Variants in GRXCR2 observed in about 807,000 individuals in gnomAD.
GRXCR2 encodes the protein glutaredoxin domain-containing cysteine-rich protein 2.
A neutral mutation model predicts 24.8 loss-of-function variants in GRXCR2; 23 were observed. That is an observed-to-expected ratio of 0.93 (90% CI 0.67 to 1.32). GRXCR2 has a LOEUF of 1.32. Among genes scored for constraint, GRXCR2 ranks in the 40% most tolerant of loss-of-function variants. The pLI is 0.00. For missense variants in GRXCR2, 315 were observed against 303.4 expected (o/e 1.04, Z -0.28); for synonymous variants, 130 against 116.1 (o/e 1.12, Z -0.77).
At chr5:145,906,554 G>A (rs1757091880) in intron 2 of GRXCR2, among the ~76,000 whole-genome samples, 1 of 152,158 alleles carries the variant, frequency 6.6e-6, no homozygotes, top group Admixed American at 6.5e-5. Flanking sequence ...ACATTTCCCT[G>A]AATTTCCAAC....
chr5:145,902,429 A>G (rs1450229611), intron 2 of GRXCR2, among the ~76,000 whole-genome samples: 1 of 152,134 alleles, frequency 6.6e-6, no homozygotes, highest in East Asian at 1.9e-4. Context: ...AAACTAACAT[A>G]TAGATGACCT....
At chr5:145,892,131 G>C (rs953677447) in intron 2 of GRXCR2, among the ~76,000 whole-genome samples, 5 of 152,124 alleles carry the variant, frequency 3.3e-5, no homozygotes, top group Admixed American at 6.6e-5. Context: ...AACCCCATCT[G>C]TACGTCACCA....
In GRXCR2 at chr5:145,859,879, G is replaced by T. The variant is rs765655672; in HGVS notation, c.601C>A (p.Arg201=). ...GAGCAGGTGGCACTGCCCGACCCTC[G>T]GCAGTGAAAACAGCTGTCCTCGGGA... ...DIPEDSCFHC[R]GSGSATCSLC... The change falls in exon 3 of 3, where the codon CGA becomes AGA. Residue 201 remains arginine, a synonymous_variant. Transcript: ENST00000377976. 1 of 1,602,036 alleles carries T rather than the reference G, an allele frequency of 6.2e-7. No individual in the cohort carries two copies. Among genetic ancestry groups the T allele is most frequent in the South Asian group, 1.1e-5 (1 of 89,782 alleles).
chr5:145,871,701 C>T (rs183647519), intron 1 of GRXCR2, among the ~76,000 whole-genome samples: 2 of 152,294 alleles, frequency 1.3e-5, no homozygotes, highest in Admixed American at 6.5e-5. Flanking sequence ...GCCAGTAATA[C>T]ATTTGTCTGC....
intron 2 of GRXCR2, among the ~76,000 whole-genome samples, chr5:145,930,286 C>G (rs547261530): frequency 6.6e-6 from 1 of 152,082 alleles, no homozygotes; most frequent in South Asian, 2.1e-4. Context: ...GGTTTTGCCA[C>G]GTTGCCCAGG....
At chr5:145,894,227 G>A (rs1361879335) in intron 2 of GRXCR2, among the ~76,000 whole-genome samples, 1 of 152,236 alleles carries the variant, frequency 6.6e-6, no homozygotes, top group East Asian at 1.9e-4. Context: ...AAAAGAACTA[G>A]AGAAGCAAGA....
In GRXCR2 at chr5:145,866,547, G is replaced by T; in HGVS notation, c.518C>A (p.Pro173His). 6.2e-7 allele frequency: 1 copy of T among 1,614,118 alleles called. No homozygotes were observed. The highest frequency in any genetic ancestry group is 8.5e-7 in the Non-Finnish European group (1 of 1,179,994). The change falls in exon 2 of 3, where the codon CCT (proline) becomes CAT (histidine). Residue 173 changes from proline to histidine, a missense_variant. Physicochemically the swap from Pro to His is moderately conservative, Grantham distance 77 (BLOSUM62 -2). Coordinates refer to ENST00000377976, the MANE Select transcript of GRXCR2 (RefSeq NM_001080516.2). ...TAATGTGCTTTCTGCCTCCACCAAA[G>T]GTCTATCGTGCTGGTCCCTGCCTCC... The part of the protein sequence containing the change: ...SYGGRDQHDR[P>H]LVEAESTLPQ...
At chr5:145,860,440 A>C (rs976776456) in intron 2 of GRXCR2, among the ~76,000 whole-genome samples, 1 of 152,202 alleles carries the variant, frequency 6.6e-6, no homozygotes, top group Non-Finnish European at 1.5e-5. Context: ...AGCTTGAAAA[A>C]GGAAGAGGTG....
chr5:145,877,229 T>C (rs1756631579), upstream of GRXCR2, among the ~76,000 whole-genome samples: 1 of 151,618 alleles, frequency 6.6e-6, no homozygotes. Flanking sequence ...ACAATAGCAA[T>C]GACACAATAT....
chr5:145,904,634 A>C (rs1757066323), intron 2 of GRXCR2, among the ~76,000 whole-genome samples: 1 of 152,206 alleles, frequency 6.6e-6, no homozygotes, highest in Non-Finnish European at 1.5e-5. Context: ...CCACAGTCAC[A>C]GCCACAGTGA....
intron 2 of GRXCR2, among the ~76,000 whole-genome samples, chr5:145,860,820 A>G (rs562041825): frequency 6.6e-6 from 1 of 152,240 alleles, no homozygotes; most frequent in African/African-American, 2.4e-5. Context: ...CCTTCTGAGT[A>G]GCTGGAACAT....
Position 145,859,404 on chromosome 5 carries a change from T to C in GRXCR2, c.*329A>G, listed in dbSNP as rs772405286. 4.2e-5 allele frequency: 12 copies of C among 287,458 alleles called. No individual in the cohort carries two copies. Among genetic ancestry groups the C allele is most frequent in the East Asian group, 1.5e-4 (2 of 13,758 alleles). The allele number at this position is 287,458 out of a possible 1,614,324, so 17.8% of individuals were successfully genotyped here. A position where few individuals can be genotyped will look rare whatever the true frequency, so the allele number is the denominator to read the frequency against. ...TTTTGCAAAATAACTCCCAACCTGA[T>C]GCCTGAAGTGTACATGTATTTGCTC... On this transcript the variant is annotated 3_prime_UTR_variant, in exon 3 of 3. Coordinates refer to ENST00000377976, the MANE Select transcript of GRXCR2 (RefSeq NM_001080516.2).
At chr5:145,867,905 C>G (rs1201687024) in intron 1 of GRXCR2, among the ~76,000 whole-genome samples, 1 of 152,060 alleles carries the variant, frequency 6.6e-6, no homozygotes, top group East Asian at 1.9e-4. Context: ...CCTGAGTGCC[C>G]TCCAATTACC....
intron 2 of GRXCR2, among the ~76,000 whole-genome samples, chr5:145,864,392 G>A (rs902928863): frequency 2.0e-5 from 3 of 152,118 alleles, no homozygotes; most frequent in Admixed American, 6.6e-5. Context: ...AGGAGTTTGC[G>A]GTTTTATCCC....
In GRXCR2 at chr5:145,870,342, T is replaced by C. The variant is rs112396870; in HGVS notation, c.336+2291A>G. Among the ~76,000 whole-genome samples the C allele has an allele frequency of 8.1e-3, 1,237 of 152,312 alleles. 14 individuals are homozygous for C. Among genetic ancestry groups the C allele is most frequent in the Middle Eastern group, 0.02 (6 of 294 alleles). On this transcript the variant is annotated intron_variant, in intron 1 of 2. Transcript: ENST00000377976. ...GTGCAATCATACAGTATTTGTGTTT[T>C]TGTGACTGGCTTATTTCATTTAGTA... is the stretch of plus-strand genomic sequence containing the variant.
At chr5:145,898,288 A>T (rs76632791) in intron 2 of GRXCR2, among the ~76,000 whole-genome samples, 5,330 of 136,446 alleles carry the variant, frequency 0.039, 243 homozygotes, top group African/African-American at 0.13. Context: ...ATCAGTAATT[A>T]AAAAAAAAAA....
chr5:145,905,595 G>T (rs10044918), intron 2 of GRXCR2, among the ~76,000 whole-genome samples: 22,236 of 152,142 alleles, frequency 0.15, 2,206 homozygotes, highest in African/African-American at 0.26. Context: ...CTTCAAAAAT[G>T]CTGCTTCAAG....
chr5:145,890,086 T>A (rs991510804), intron 2 of GRXCR2, among the ~76,000 whole-genome samples: 2 of 152,120 alleles, frequency 1.3e-5, no homozygotes, highest in African/African-American at 4.8e-5. Flanking sequence ...AAAGTTTTTG[T>A]TTTGTTTGTT....
intron 2 of GRXCR2, among the ~76,000 whole-genome samples, chr5:145,919,683 G>A (rs1232611557): frequency 2.0e-5 from 3 of 152,144 alleles, no homozygotes; most frequent in African/African-American, 7.2e-5. Context: ...GGTGACAGAG[G>A]TGTCACCGTG....
Sources: gnomAD v4.1 joint callset for allele counts (sites outside exome capture counted in the v4.1 genomes callset) on GRCh38, gnomAD v4.1.1 for gene constraint, MANE v1.5 for transcripts, NCBI Gene and HGNC (gene_info 2026-07-23, HGNC 2026-07-21) for gene names.